The following PLEKHA1 variants were observed in gnomAD, a reference collection of about 807,000 sequenced individuals.
PLEKHA1 encodes pleckstrin homology domain-containing family A member 1.
In PLEKHA1, 34 loss-of-function variants were observed where a neutral mutation model predicts 52.0. The observed-to-expected ratio is 0.65, with a 90% CI of 0.50 to 0.87. The LOEUF (loss-of-function observed/expected upper bound fraction) is 0.87. Ranked by LOEUF, PLEKHA1 falls within the 40% of genes least tolerant of loss-of-function variation. The pLI, the probability that PLEKHA1 is intolerant of heterozygous loss-of-function variation, is 0.00. For synonymous variants in PLEKHA1, 163 were observed against 170.7 expected, an observed-to-expected ratio of 0.95 and a Z score of 0.35; for missense variants, 497 against 504.2, an observed-to-expected ratio of 0.99 and a Z score of 0.14.
At chr10:122,437,160 C>T (rs1276749107), downstream of PLEKHA1, 2 of 151,912 alleles carry the variant, frequency 1.3e-5, no homozygotes, top group Non-Finnish European at 2.9e-5. Flanking sequence ...GGTCTTGGTT[C>T]GTATTGTCAC....
chr10:122,423,955 C>A, intron 8 of PLEKHA1: 1 of 497,556 alleles, frequency 2.0e-6, no homozygotes, highest in Non-Finnish European at 3.3e-6. Context: ...CCCTTAAGGC[C>A]AGAAATAATG....
chr10:122,415,368 A>G (rs1050644235), intron 6 of PLEKHA1, among the ~76,000 whole-genome samples: 1 of 116,864 alleles, frequency 8.6e-6, no homozygotes, highest in Middle Eastern at 5.3e-3. Flanking sequence ...TAAATGTGGT[A>G]GTAGTTACAC....
At chr10:122,406,816 A>G in intron 5 of PLEKHA1, 143 bp downstream of exon 5, 3 of 653,704 alleles carry the variant, frequency 4.6e-6, no homozygotes, top group South Asian at 3.9e-5. Flanking sequence ...CAGAATGTGA[A>G]TATGTTTTCT....
chr10:122,416,069 A>G, intron 7 of PLEKHA1, 67 bp downstream of exon 7: 1 of 1,476,922 alleles, frequency 6.8e-7, no homozygotes, highest in Non-Finnish European at 9.1e-7. Flanking sequence ...TCAAATTAAC[A>G]TGGAAATTGT....
intron 1 of PLEKHA1, among the ~76,000 whole-genome samples, chr10:122,392,055 T>G (rs1202072468): frequency 6.6e-6 from 1 of 152,168 alleles, no homozygotes; most frequent in African/African-American, 2.4e-5. Context: ...GTAACAGCTG[T>G]CTGGTGCAGA....
chr10:122,416,800 C>G (rs1160093977), intron 7 of PLEKHA1, among the ~76,000 whole-genome samples: 1 of 152,068 alleles, frequency 6.6e-6, no homozygotes, highest in Non-Finnish European at 1.5e-5. Flanking sequence ...TAAAGAAATA[C>G]TTAAAATTAT....
At position 122,424,182 on chromosome 10, in the gene PLEKHA1, T is replaced by TG; in HGVS notation, c.682-17_682-16insG. The TG allele has an allele frequency of 2.7e-6, 4 of 1,468,662 alleles. No individual in the cohort carries two copies. The East Asian group carries it at 8.1e-5, about 30-fold the overall frequency. 91.0% of individuals were successfully genotyped at this position (1,468,662 alleles called of 1,614,324 possible). ...AACATCATGTAACTGTTTTTTTTTT[T>TG]TTTTTTTTTTTGCCAGGAAAAGGAA... On this transcript the variant is annotated splice_polypyrimidine_tract_variant and intron_variant, in intron 8 of 11. Coordinates refer to ENST00000368990, the MANE Select transcript of PLEKHA1 (RefSeq NM_001001974.4).
chr10:122,421,989 G>A (rs2133404592), intron 8 of PLEKHA1: 1 of 152,242 alleles, frequency 6.6e-6, no homozygotes, highest in African/African-American at 2.4e-5. Context: ...TGTGCCAGAG[G>A]ATAAGGAAGT....
chr10:122,380,548 T>C (rs1307922516), intron 1 of PLEKHA1, among the ~76,000 whole-genome samples: 9 of 152,178 alleles, frequency 5.9e-5, no homozygotes, highest in Non-Finnish European at 1.2e-4. Flanking sequence ...TCTTGTCTGG[T>C]GAGTCCAGCG....
Position 122,376,501 on chromosome 10 carries a change from GAT to G in PLEKHA1, c.-21+1727_-21+1728del, listed in dbSNP as rs56781870. Reference sequence around the variant, plus strand: ...GCTGTGAATTTAGTGACATTAAGAAGATATATATATATATATATATATATATA... The same window carrying G: ...GCTGTGAATTTAGTGACATTAAGAAGATATATATATATATATATATATATA... On this transcript the variant is annotated intron_variant, in intron 1 of 11. Transcript: ENST00000368990. Among the ~76,000 whole-genome samples, 537 of 146,788 alleles carry G rather than the reference GAT, an allele frequency of 3.7e-3. 10 individuals are homozygous for G. The East Asian group carries it at 0.056, about 15-fold the overall frequency.
chr10:122,429,240 A>G (rs1279660686), intron 11 of PLEKHA1, among the ~76,000 whole-genome samples: 2 of 152,180 alleles, frequency 1.3e-5, no homozygotes, highest in Non-Finnish European at 2.9e-5. Context: ...GACTGAGAAT[A>G]TACTCTTAAA....
chr10:122,384,811 G>A (rs113052139), intron 1 of PLEKHA1, among the ~76,000 whole-genome samples: 4,848 of 151,890 alleles, frequency 0.032, 120 homozygotes, highest in East Asian at 0.14. Flanking sequence ...GAAATTAGCC[G>A]GGTGGTAGTG....
chr10:122,420,383 A>T (rs759139124), intron 8 of PLEKHA1: 7 of 152,182 alleles, frequency 4.6e-5, no homozygotes, highest in Admixed American at 6.5e-5. Context: ...CTTTTAGTAG[A>T]TAGAAATAAT....
intron 11 of PLEKHA1, among the ~76,000 whole-genome samples, chr10:122,427,410 C>T (rs1438176350): frequency 3.3e-5 from 5 of 152,150 alleles, no homozygotes; most frequent in African/African-American, 7.2e-5. Flanking sequence ...GTTTTGTGAA[C>T]GTCTCAATTT....
intron 8 of PLEKHA1, 115 bp downstream of exon 8, chr10:122,418,083 G>T: frequency 1.4e-6 from 1 of 722,868 alleles, no homozygotes; most frequent in Non-Finnish European, 2.2e-6. Context: ...CTAGTTTTTA[G>T]AGGTAAATAT....
intron 4 of PLEKHA1, 32 bp from the exon 5 acceptor site, chr10:122,406,526 TTAGAGGTAATAAGTACAA>T (rs1267333541): frequency 6.9e-7 from 1 of 1,441,724 alleles, no homozygotes; most frequent in Non-Finnish European, 9.7e-7. Flanking sequence ...AAACATAAAT[TTAGAGGTAATAAGTACAA>T]TATTTGGTGT....
intron 1 of PLEKHA1, among the ~76,000 whole-genome samples, chr10:122,379,137 A>G (rs1291522373): frequency 6.6e-6 from 1 of 152,178 alleles, no homozygotes; most frequent in Non-Finnish European, 1.5e-5. Context: ...AATTTTCTGT[A>G]GCTAAACCTT....
At chr10:122,378,390 A>AC (rs916827959) in intron 1 of PLEKHA1, among the ~76,000 whole-genome samples, 2 of 43,622 alleles carry the variant, frequency 4.6e-5, no homozygotes, top group East Asian at 6.8e-4. Context: ...CCTGTCCCCC[A>AC]CCCCCCATAA....
intron 6 of PLEKHA1, among the ~76,000 whole-genome samples, chr10:122,414,250 C>T (rs1174111579): frequency 2.0e-5 from 3 of 152,030 alleles, no homozygotes; most frequent in African/African-American, 7.2e-5. Flanking sequence ...TGTTAAGACA[C>T]TGTATTAGTT....
Sources: gnomAD v4.1 joint callset for allele counts (sites outside exome capture counted in the v4.1 genomes callset) on GRCh38, gnomAD v4.1.1 for gene constraint, MANE v1.5 for transcripts, NCBI Gene and HGNC (gene_info 2026-07-23, HGNC 2026-07-21) for gene names.